Variants in PHIP observed in about 807,000 individuals in gnomAD.
PHIP encodes PH-interacting protein.
A neutral mutation model predicts 236.8 loss-of-function variants in PHIP; 54 were observed. That is an observed-to-expected ratio of 0.23 (90% confidence interval 0.18 to 0.29). PHIP has a LOEUF of 0.29. PHIP is among the 10% of genes least tolerant of loss of function. The pLI is 1.00. For missense variants in PHIP, 1,370 were observed against 2,190.8 expected (o/e 0.63, Z 7.48); for synonymous variants, 756 against 718.9 (o/e 1.05, Z -0.83).
At chr6:78,981,792 A>C (rs747110998) in intron 23 of PHIP, among the ~76,000 whole-genome samples, 80 of 152,036 alleles carry the variant, frequency 5.3e-4, no homozygotes, top group Non-Finnish European at 9.6e-4. Context: ...ATAAAATAAC[A>C]AATCAGACTA....
chr6:79,045,293 T>C (rs956010842), intron 6 of PHIP, among the ~76,000 whole-genome samples: 2 of 152,162 alleles, frequency 1.3e-5, no homozygotes, highest in African/African-American at 2.4e-5. Context: ...AATGTAAGTA[T>C]AGTTCAGTAG....
At chr6:78,953,320 T>C (rs1766181945) in intron 35 of PHIP, among the ~76,000 whole-genome samples, 1 of 152,200 alleles carries the variant, frequency 6.6e-6, no homozygotes, top group Non-Finnish European at 1.5e-5. Context: ...GCCCAAGGAC[T>C]CAATTATCTC....
chr6:78,949,177 T>A (rs1182712283), intron 35 of PHIP, among the ~76,000 whole-genome samples: 1 of 152,130 alleles, frequency 6.6e-6, no homozygotes, highest in African/African-American at 2.4e-5. Context: ...TGTTCCCGGT[T>A]TTCTTAGGGG....
At position 78,939,085 on chromosome 6, in the gene PHIP, A is replaced by T. The variant is rs189839512; in HGVS notation, c.*1608T>A. On this transcript the variant is annotated 3_prime_UTR_variant, in exon 40 of 40. Coordinates refer to ENST00000275034, the MANE Select transcript of PHIP (RefSeq NM_017934.7). The stretch of plus-strand genomic sequence containing the variant: ...AAAATACTACATTCTTTAAATTTTT[A>T]AAAAAATGGACAGTAATTTTTAAAC... 235 of 151,808 alleles carry T rather than the reference A, an allele frequency of 1.5e-3. 1 individual carries two copies. Among genetic ancestry groups the T allele is most frequent in the African/African-American group, 5.0e-3 (209 of 41,524 alleles). 9.4% of individuals were successfully genotyped at this position (151,808 alleles called of 1,614,324 possible). A position where few individuals can be genotyped will look rare whatever the true frequency, so the allele number is the denominator to read the frequency against.
At chr6:78,955,398 G>C in intron 33 of PHIP, 116 bp from the exon 34 acceptor site, 1 of 747,886 alleles carries the variant, frequency 1.3e-6, no homozygotes, top group Non-Finnish European at 2.1e-6. Flanking sequence ...TGTATATGCT[G>C]GGGCACTTTA....
intron 15 of PHIP, among the ~76,000 whole-genome samples, chr6:79,010,757 C>G (rs1405608212): frequency 1.3e-5 from 2 of 151,790 alleles, no homozygotes; most frequent in Non-Finnish European, 3.0e-5. Context: ...AAATTCAACT[C>G]CAAGCATCTC....
chr6:78,948,429 A>G (rs564334764), intron 35 of PHIP, among the ~76,000 whole-genome samples: 2 of 152,224 alleles, frequency 1.3e-5, no homozygotes, highest in Non-Finnish European at 2.9e-5. Flanking sequence ...GAAAATTATC[A>G]TAATATGGTA....
At position 78,961,807 on chromosome 6, in the gene PHIP, A is replaced by G. The variant is rs755959099; in HGVS notation, c.3539T>C (p.Ile1180Thr). Residue 1180 changes from isoleucine to threonine, a missense_variant, in exon 31 of 40, where the codon ATT becomes ACT. Transcript: ENST00000275034. ...CACGGGGGCCACAAATGCTGAGGCA[A>G]TATCTAAAATAAATAGATAAGTTTG... is the stretch of plus-strand genomic sequence containing the variant. ...AGINQLMTLD[I>T]ASAFVAPVDL... 5 of 1,603,034 alleles carry G rather than the reference A, an allele frequency of 3.1e-6. No individual in the cohort carries two copies. Among genetic ancestry groups the G allele is most frequent in the Non-Finnish European group, 4.3e-6 (5 of 1,174,486 alleles).
At chr6:78,975,179 A>T (rs376979240) in intron 24 of PHIP, among the ~76,000 whole-genome samples, 6 of 151,824 alleles carry the variant, frequency 4.0e-5, no homozygotes, top group South Asian at 4.2e-4. Context: ...TCCACCATGA[A>T]CAAGTGGGCT....
At chr6:78,954,271 T>A (rs1766258706) in intron 35 of PHIP, among the ~76,000 whole-genome samples, 1 of 151,108 alleles carries the variant, frequency 6.6e-6, no homozygotes, top group Non-Finnish European at 1.5e-5. Flanking sequence ...CTGGCTAATT[T>A]TTTTTTTTGT....
At chr6:79,033,049 T>C (rs1771748900) in intron 7 of PHIP, among the ~76,000 whole-genome samples, 2 of 151,980 alleles carry the variant, frequency 1.3e-5, no homozygotes, top group African/African-American at 4.8e-5. Context: ...AACAGTAATA[T>C]CTTGAAAGGA....
At position 79,019,136 on chromosome 6, in the gene PHIP, T is replaced by G; in HGVS notation, c.947A>C (p.Glu316Ala). ...KINPRPAKFT[E>A]RPRPGVQMIC... ...CATTTGAACTCCAGGCCGAGGGCGCTCTGTAAATTTTGCAGGTCTTGGGCT... is the reference window on the plus strand; with the variant it reads ...CATTTGAACTCCAGGCCGAGGGCGCGCTGTAAATTTTGCAGGTCTTGGGCT... Residue 316 changes from glutamate to alanine, a missense_variant, in exon 10 of 40, where the codon GAG (glutamate) becomes GCG (alanine). By Grantham distance (107) the Glu-to-Ala change is moderately radical (BLOSUM62 -1). Around this residue, in one of 14 missense-constraint regions of PHIP, gnomAD observed 188 missense variants for 354.3 expected, o/e 0.53. Coordinates refer to ENST00000275034, the MANE Select transcript of PHIP (RefSeq NM_017934.7). 2.5e-6 allele frequency: 4 copies of G among 1,612,712 alleles called. No individual in the cohort carries two copies. Among genetic ancestry groups the G allele is most frequent in the Non-Finnish European group, 3.4e-6 (4 of 1,178,918 alleles).
At chr6:78,991,724 A>G (rs987424213) in intron 19 of PHIP, among the ~76,000 whole-genome samples, 1 of 152,170 alleles carries the variant, frequency 6.6e-6, no homozygotes, top group Non-Finnish European at 1.5e-5. Flanking sequence ...ACTAGATGAT[A>G]TTAATGTTAT....
At chr6:78,952,442 A>AAAAAAAAAAAGG (rs1562119935) in intron 35 of PHIP, among the ~76,000 whole-genome samples, 3 of 141,148 alleles carry the variant, frequency 2.1e-5, no homozygotes, top group African/African-American at 8.3e-5. Flanking sequence ...AAAAAAAAAG[A>AAAAAAAAAAAGG]AAAAAAAAAA....
rs1770830555 is a variant in PHIP, at chr6:79,016,302, A to G, written c.1235+242T>C. On this transcript the variant is annotated intron_variant, in intron 13 of 39. Coordinates refer to ENST00000275034, the MANE Select transcript of PHIP (RefSeq NM_017934.7). ...GTTTCTGAAAAAAATATTTAAAGTT[A>G]AAACTTTTCTTACAGTACTTTTATC... Among the ~76,000 whole-genome samples the G allele has an allele frequency of 2.0e-5, 3 of 152,112 alleles. No individual in the cohort carries two copies. The South Asian group carries it at 6.2e-4, about 32-fold the overall frequency.
intron 24 of PHIP, among the ~76,000 whole-genome samples, chr6:78,972,262 G>A (rs1465027236): frequency 2.3e-3 from 314 of 134,712 alleles, no homozygotes; most frequent in African/African-American, 4.7e-3. Flanking sequence ...CCTCCAGCAG[G>A]GGCACACTGA....
chr6:79,015,751 G>A lies in PHIP; in HGVS notation c.1268C>T (p.Thr423Ile). 2 of 1,610,872 alleles carry A rather than the reference G, an allele frequency of 1.2e-6. No individual in the cohort carries two copies. The highest frequency in any genetic ancestry group is 1.7e-6 in the Non-Finnish European group (2 of 1,178,090). Residue 423 changes from threonine (T) to isoleucine (I), a missense_variant, in exon 14 of 40, where the codon ACA becomes ATA. This residue lies in a region of PHIP where 188 missense variants were observed against 354.3 expected (regional missense o/e 0.53). Transcript: ENST00000275034. Reference protein sequence around the residue: ...QNLQGIEDKITKMKVTMVAWD... With the variant: ...QNLQGIEDKIIKMKVTMVAWD... The stretch of plus-strand genomic sequence containing the variant: ...AGCTACCATAGTAACCTTCATTTTT[G>A]TGATTTTATCTTCTATTCCTTGAAG...
At chr6:78,990,808 C>G in intron 20 of PHIP, 60 bp downstream of exon 20, 2 of 878,738 alleles carry the variant, frequency 2.3e-6, no homozygotes, top group Non-Finnish European at 3.6e-6. Context: ...AAAATGGAGC[C>G]TTAAAATGGT....
intron 35 of PHIP, among the ~76,000 whole-genome samples, chr6:78,948,468 A>T (rs1054799155): frequency 6.6e-6 from 1 of 151,022 alleles, no homozygotes; most frequent in African/African-American, 2.4e-5. Context: ...AGAATATGCT[A>T]TTTTTTTTTA....
Sources: gnomAD v4.1 joint callset for allele counts (sites outside exome capture counted in the v4.1 genomes callset) on GRCh38, gnomAD v4.1.1 for gene constraint, gnomAD v4.1.1 regional missense constraint, MANE v1.5 for transcripts, NCBI Gene and HGNC (gene_info 2026-07-23, HGNC 2026-07-21) for gene names.